Variants in C16orf74 observed in about 807,000 individuals in gnomAD.
The protein encoded by C16orf74 is calcimembrin, also known as uncharacterized protein C16orf74.
In C16orf74, 10 loss-of-function variants were observed where a neutral mutation model predicts 6.5. That is an observed-to-expected ratio of 1.54 (90% confidence interval 0.95 to 2.61). The LOEUF is 2.61. Ranked by LOEUF, C16orf74 falls within the 30% of genes most tolerant of loss-of-function variation. The probability of loss-of-function intolerance (pLI) is 0.00; values close to 1 mark genes in which losing one functional copy is unlikely to be tolerated. For synonymous variants in C16orf74, 60 were observed against 42.5 expected, an observed-to-expected ratio of 1.41 and a Z score of -1.60; for missense variants, 141 against 105.9, an observed-to-expected ratio of 1.33 and a Z score of -1.45.
At chr16:85,731,057 G>A (rs1205585318) in intron 2 of C16orf74, among the ~76,000 whole-genome samples, 1 of 152,202 alleles carries the variant, frequency 6.6e-6, no homozygotes. Context: ...ATTTCTACTG[G>A]ATGGTGTGGC....
In C16orf74 at chr16:85,729,539, G is replaced by A. The variant is rs771126983; in HGVS notation, c.28+5651C>T. 2.6e-5 allele frequency among the ~76,000 whole-genome samples: 4 copies of A among 152,340 alleles called. No individual in the cohort carries two copies. In the South Asian group the frequency reaches 8.3e-4, roughly 32 times the overall value. On this transcript the variant is annotated intron_variant, in intron 2 of 3. Transcript: ENST00000284245. ...CACAGGGGAAGCTCAGAGGTGAACT[G>A]ACTTAATGGGGGCTGAATAGTGTCC...
intron 1 of C16orf74, among the ~76,000 whole-genome samples, chr16:85,747,127 T>C (rs149060428): frequency 1.4e-4 from 22 of 152,172 alleles, no homozygotes; most frequent in African/African-American, 5.1e-4. Flanking sequence ...CACAGCAAAA[T>C]ACTTGCCCAT....
At chr16:85,722,023 C>A (rs1464541237) in intron 2 of C16orf74, among the ~76,000 whole-genome samples, 1 of 110,952 alleles carries the variant, frequency 9.0e-6, no homozygotes, top group Non-Finnish European at 1.7e-5. Flanking sequence ...GGTGGTCTTG[C>A]TATGTTGCCA....
chr16:85,709,771 CTG>C (rs1292949998), intron 3 of C16orf74, among the ~76,000 whole-genome samples: 7 of 152,238 alleles, frequency 4.6e-5, no homozygotes, highest in Non-Finnish European at 1.0e-4. Flanking sequence ...TGGGCACGAG[CTG>C]TGTTTCCAAG....
chr16:85,733,151 C>T (rs1274045611), intron 2 of C16orf74, among the ~76,000 whole-genome samples: 1 of 152,236 alleles, frequency 6.6e-6, no homozygotes, highest in African/African-American at 2.4e-5. Flanking sequence ...GGAAACAACC[C>T]AGTGTCCATC....
intron 2 of C16orf74, among the ~76,000 whole-genome samples, chr16:85,725,158 T>C (rs957230112): frequency 6.6e-6 from 1 of 152,142 alleles, no homozygotes; most frequent in African/African-American, 2.4e-5. Flanking sequence ...CGCCATCTGC[T>C]CCCTCGTTTA....
intron 2 of C16orf74, among the ~76,000 whole-genome samples, chr16:85,719,152 C>T (rs970106507): frequency 2.6e-5 from 4 of 152,254 alleles, no homozygotes; most frequent in African/African-American, 9.6e-5. Context: ...AGGTGTAACA[C>T]CCCAGCTCTG....
chr16:85,729,008 C>T (rs964409668), intron 2 of C16orf74, among the ~76,000 whole-genome samples: 10 of 152,172 alleles, frequency 6.6e-5, no homozygotes, highest in East Asian at 3.8e-4. Flanking sequence ...TAAGTGATGC[C>T]TATACAGAAG....
chr16:85,721,908 G>A (rs547442644), intron 2 of C16orf74, among the ~76,000 whole-genome samples: 1 of 150,832 alleles, frequency 6.6e-6, no homozygotes, highest in Non-Finnish European at 1.5e-5. Flanking sequence ...GTCACCTACT[G>A]CAAAGGGGGT....
intron 1 of C16orf74, among the ~76,000 whole-genome samples, chr16:85,750,507 C>G (rs2054425311): frequency 1.3e-5 from 2 of 152,138 alleles, no homozygotes; most frequent in Non-Finnish European, 2.9e-5. Context: ...TTTGGAAATA[C>G]TCGATAGAGT....
chr16:85,739,031 C>T (rs1050155076), intron 1 of C16orf74, among the ~76,000 whole-genome samples: 9 of 152,194 alleles, frequency 5.9e-5, no homozygotes, highest in African/African-American at 2.2e-4. Context: ...GTCTTGGAGT[C>T]CCCAGGGGAC....
intron 1 of C16orf74, chr16:85,744,005 G>A (rs2054340790): frequency 6.6e-6 from 1 of 151,180 alleles, no homozygotes. Context: ...AATGAGTCGA[G>A]ATTGTGCCAC....
chr16:85,723,404 T>TA (rs60328062), intron 2 of C16orf74, among the ~76,000 whole-genome samples: 4,855 of 134,950 alleles, frequency 0.036, 173 homozygotes, highest in African/African-American at 0.11. Flanking sequence ...CCATCTGTAC[T>TA]AAAAAAAAAA....
At chr16:85,729,189 G>T (rs2054163565) in intron 2 of C16orf74, among the ~76,000 whole-genome samples, 1 of 152,248 alleles carries the variant, frequency 6.6e-6, no homozygotes, top group South Asian at 2.1e-4. Context: ...TTGAGCCAGT[G>T]AGAGGTCCCC....
chr16:85,734,319 C>T lies in C16orf74; in HGVS notation c.28+871G>A, dbSNP rs76159951. On this transcript the variant is annotated intron_variant, in intron 2 of 3. Coordinates refer to ENST00000284245, the MANE Select transcript of C16orf74 (RefSeq NM_206967.3). ...TTTTACTGATAAGGAAACTGAGGCC[C>T]TTGATCTAGGTCTCACAGAGGCATT... Among the ~76,000 whole-genome samples the T allele has an allele frequency of 1.2e-3, 176 of 152,302 alleles. 2 individuals are homozygous for T. The East Asian group carries it at 0.032, about 28-fold the overall frequency.
chr16:85,750,459 A>AG (rs1374431077), intron 1 of C16orf74, among the ~76,000 whole-genome samples: 2 of 152,176 alleles, frequency 1.3e-5, no homozygotes, highest in South Asian at 4.1e-4. Context: ...CTGGGAGCGC[A>AG]GGGGGGCCCC....
intron 2 of C16orf74, among the ~76,000 whole-genome samples, chr16:85,726,459 G>C (rs1359596782): frequency 1.3e-5 from 2 of 152,202 alleles, no homozygotes; most frequent in Non-Finnish European, 1.5e-5. Flanking sequence ...GGTCAGCAGA[G>C]TAGACAAAGA....
intron 2 of C16orf74, chr16:85,710,623 G>C: frequency 3.2e-6 from 1 of 309,356 alleles, no homozygotes; most frequent in Non-Finnish European, 5.9e-6. Flanking sequence ...CCTCATTCCC[G>C]GCCACCAGCC....
At chr16:85,740,617 G>A (rs964751541) in intron 1 of C16orf74, among the ~76,000 whole-genome samples, 21 of 151,072 alleles carry the variant, frequency 1.4e-4, no homozygotes, top group Admixed American at 5.9e-4. Flanking sequence ...GCGTGAACCC[G>A]GGAGGCGGAG....
Sources: allele counts gnomAD v4.1 joint callset (sites outside exome capture counted in the v4.1 genomes callset), GRCh38; gene constraint gnomAD v4.1.1; transcripts MANE v1.5; gene names NCBI Gene and HGNC (gene_info 2026-07-23, HGNC 2026-07-21).